The following MTUS2 variants were observed in gnomAD, a reference collection of about 807,000 sequenced individuals.
The protein encoded by MTUS2 is microtubule associated scaffold protein 2, also known as microtubule-associated tumor suppressor candidate 2.
In MTUS2, 40 loss-of-function variants were observed where a neutral mutation model predicts 114.1. The ratio of observed to expected loss-of-function variants is 0.35; its 90% CI spans 0.27 to 0.46. MTUS2 has a LOEUF of 0.46. Ranked by LOEUF, MTUS2 falls within the 20% of genes least tolerant of loss-of-function variation. The pLI is 1.00. For missense variants in MTUS2, 1,679 were observed against 1,705.4 expected (o/e 0.98, Z 0.27); for synonymous variants, 688 against 672.0 (o/e 1.02, Z -0.37).
intron 4 of MTUS2, among the ~76,000 whole-genome samples, chr13:29,038,911 G>A (rs1194193109): frequency 6.6e-6 from 1 of 152,226 alleles, no homozygotes; most frequent in African/African-American, 2.4e-5. Flanking sequence ...ACCAGGCTGC[G>A]GGCGGGCCTG....
At chr13:29,296,797 T>C (rs1898966303) in intron 6 of MTUS2, among the ~76,000 whole-genome samples, 1 of 152,194 alleles carries the variant, frequency 6.6e-6, no homozygotes, top group Admixed American at 6.5e-5. Context: ...TGAATTATTT[T>C]GATGTTTACT....
intron 2 of MTUS2, among the ~76,000 whole-genome samples, chr13:28,909,602 C>T (rs998751869): frequency 1.1e-4 from 17 of 152,146 alleles, no homozygotes; most frequent in African/African-American, 4.1e-4. Context: ...GGAAGCATTC[C>T]CTTTGAAAAG....
At chr13:29,183,939 A>G (rs1894113164) in intron 5 of MTUS2, among the ~76,000 whole-genome samples, 1 of 152,190 alleles carries the variant, frequency 6.6e-6, no homozygotes, top group East Asian at 1.9e-4. Flanking sequence ...AGTTTGTTAT[A>G]AAAATATTTA....
chr13:29,075,987 A>C (rs367663173), intron 4 of MTUS2, among the ~76,000 whole-genome samples: 10 of 152,228 alleles, frequency 6.6e-5, no homozygotes, highest in African/African-American at 2.2e-4. Context: ...TAGCATCTTC[A>C]AAACTCTACC....
At chr13:28,874,338 T>C in intron 2 of MTUS2, among the ~76,000 whole-genome samples, 1 of 152,220 alleles carries the variant, frequency 6.6e-6, no homozygotes, top group Non-Finnish European at 1.5e-5. Flanking sequence ...AGATAAACTA[T>C]TCAATTTATT....
At chr13:28,903,484 A>T (rs1383914479) in intron 2 of MTUS2, among the ~76,000 whole-genome samples, 2 of 138,250 alleles carry the variant, frequency 1.4e-5, no homozygotes, top group Non-Finnish European at 3.0e-5. Flanking sequence ...TCATTGTTCA[A>T]TTCCCACCTA....
At chr13:29,020,321 A>C (rs907323093) in intron 2 of MTUS2, among the ~76,000 whole-genome samples, 1 of 152,216 alleles carries the variant, frequency 6.6e-6, no homozygotes, top group Non-Finnish European at 1.5e-5. Flanking sequence ...ACCTATTTGC[A>C]TATTTTATTT....
chr13:29,200,306 C>T (rs1407897154), intron 5 of MTUS2, among the ~76,000 whole-genome samples: 1 of 151,916 alleles, frequency 6.6e-6, no homozygotes, highest in African/African-American at 2.4e-5. Context: ...TAGATCTTTC[C>T]TGCTTTCCTC....
chr13:29,105,675 AG>A (rs1890634883), intron 5 of MTUS2, among the ~76,000 whole-genome samples: 2 of 147,776 alleles, frequency 1.4e-5, no homozygotes, highest in Non-Finnish European at 3.0e-5. Context: ...CCTGGTGCAC[AG>A]AAGTATTCAG....
intron 6 of MTUS2, among the ~76,000 whole-genome samples, chr13:29,309,479 C>G (rs1000275183): frequency 6.6e-6 from 1 of 151,962 alleles, no homozygotes; most frequent in African/African-American, 2.4e-5. Flanking sequence ...TAATGGATGC[C>G]GGGCTTAATA....
intron 4 of MTUS2, among the ~76,000 whole-genome samples, chr13:29,083,866 T>C (rs972540821): frequency 1.3e-5 from 2 of 152,134 alleles, no homozygotes; most frequent in Non-Finnish European, 2.9e-5. Context: ...TAGGCCAGAG[T>C]GTCCATGCTC....
At chr13:29,472,788 C>T (rs903501080) in intron 9 of MTUS2, among the ~76,000 whole-genome samples, 2 of 151,974 alleles carry the variant, frequency 1.3e-5, no homozygotes, top group African/African-American at 2.4e-5. Flanking sequence ...TTGTGTTACA[C>T]GAACATGAGA....
At chr13:29,332,597 T>C (rs1900837051) in intron 7 of MTUS2, among the ~76,000 whole-genome samples, 1 of 151,764 alleles carries the variant, frequency 6.6e-6, no homozygotes, top group Non-Finnish European at 1.5e-5. Flanking sequence ...TGTCTTCTGC[T>C]AGCTTTTGAA....
intron 2 of MTUS2, among the ~76,000 whole-genome samples, chr13:28,954,315 A>G (rs543840321): frequency 5.3e-5 from 8 of 152,344 alleles, no homozygotes; most frequent in Non-Finnish European, 8.8e-5. Flanking sequence ...ACCTCACACC[A>G]TAAGTGCTGA....
chr13:28,876,099 C>T (rs1005685140), intron 2 of MTUS2, among the ~76,000 whole-genome samples: 3 of 152,192 alleles, frequency 2.0e-5, no homozygotes, highest in African/African-American at 7.2e-5. Flanking sequence ...CTCTGCCTTT[C>T]TTCTTTTCCT....
chr13:29,016,272 A>G (rs1415622270), intron 2 of MTUS2, among the ~76,000 whole-genome samples: 1 of 152,140 alleles, frequency 6.6e-6, no homozygotes, highest in East Asian at 1.9e-4. Flanking sequence ...AGACAAAAAC[A>G]AAACAAAATA....
In MTUS2 at chr13:29,323,679, G is replaced by A. The variant is rs191559436; in HGVS notation, c.2807-934G>A. 5.9e-3 allele frequency among the ~76,000 whole-genome samples: 900 copies of A among 152,232 alleles called. 10 individuals are homozygous for A. Among genetic ancestry groups the A allele is most frequent in the South Asian group, 9.7e-3 (47 of 4,832 alleles). On this transcript the variant is annotated intron_variant, in intron 6 of 15. Coordinates refer to ENST00000612955, the MANE Select transcript of MTUS2 (RefSeq NM_001033602.4). ...ATCTAATAGCTGTATTTGTATATGT[G>A]TGTATATTTATAAATACCTAGGAAA...
At chr13:28,964,146 A>G (rs745922252) in intron 2 of MTUS2, among the ~76,000 whole-genome samples, 13 of 152,220 alleles carry the variant, frequency 8.5e-5, no homozygotes, top group Non-Finnish European at 1.5e-4. Flanking sequence ...GGGTCTCAGA[A>G]TTAACATTGC....
intron 5 of MTUS2, among the ~76,000 whole-genome samples, chr13:29,230,303 C>A (rs1230485779): frequency 6.6e-6 from 1 of 152,048 alleles, no homozygotes; most frequent in South Asian, 2.1e-4. Flanking sequence ...ATTCCAAGAA[C>A]AAGGACCATT....
Sources: allele counts gnomAD v4.1 joint callset (sites outside exome capture counted in the v4.1 genomes callset), GRCh38; gene constraint gnomAD v4.1.1; transcripts MANE v1.5; gene names NCBI Gene and HGNC (gene_info 2026-07-23, HGNC 2026-07-21).